The following IWS1 variants were observed in gnomAD, a reference collection of about 807,000 sequenced individuals.
IWS1 encodes the protein interacts with SUPT6H, CTD assembly factor 1.
IWS1 carries 27 observed loss-of-function variants against 86.7 expected under a neutral mutation model. The ratio of observed to expected loss-of-function variants is 0.31; its 90% CI spans 0.23 to 0.43. The LOEUF (loss-of-function observed/expected upper bound fraction) is 0.43, where lower values mean the gene tolerates loss of function less well. Ranked by LOEUF, IWS1 falls within the 20% of genes least tolerant of loss-of-function variation. The pLI is 1.00. For missense variants in IWS1, 827 were observed against 1,000.8 expected, an observed-to-expected ratio of 0.83 and a Z score of 2.34; for synonymous variants, 313 against 335.1, an observed-to-expected ratio of 0.93 and a Z score of 0.72.
intron 6 of IWS1, among the ~76,000 whole-genome samples, chr2:127,496,702 G>C (rs1690532403): frequency 6.6e-6 from 1 of 152,118 alleles, no homozygotes; most frequent in East Asian, 1.9e-4. Flanking sequence ...CTCCTGAATA[G>C]TTGAGACTAC....
chr2:127,518,486 C>T (rs1691898142), intron 2 of IWS1, among the ~76,000 whole-genome samples: 1 of 151,826 alleles, frequency 6.6e-6, no homozygotes, highest in Non-Finnish European at 1.5e-5. Flanking sequence ...TACACTCCAG[C>T]CCGGGCGACA....
chr2:127,490,305 TAAA>T, intron 10 of IWS1, among the ~76,000 whole-genome samples: 1 of 152,290 alleles, frequency 6.6e-6, no homozygotes, highest in East Asian at 1.9e-4. Context: ...CTACTGGAAA[TAAA>T]AAAGTCTTGA....
intron 2 of IWS1, among the ~76,000 whole-genome samples, chr2:127,510,546 G>A (rs893372387): frequency 1.3e-5 from 2 of 152,146 alleles, no homozygotes; most frequent in Non-Finnish European, 2.9e-5. Context: ...AGGCTGAAGT[G>A]CAGTAGCATA....
rs759461864 is a variant in IWS1 at position 127,489,828 on chromosome 2, A to G, written c.2159+4T>C. On this transcript the variant is annotated splice_donor_region_variant and intron_variant, in intron 11 of 13. Transcript: ENST00000295321. The surrounding 1 kb of genome is among the most constrained non-coding windows in gnomAD (Gnocchi z 4.8). ...TCCACTTACTCATACCTGTTCCCTC[A>G]TACCTGTTCATTCTTCGTCGTTGAG... The G allele has an allele frequency of 1.4e-5, 21 of 1,514,538 alleles. No individual in the cohort carries two copies. The highest frequency in any genetic ancestry group is 1.8e-5 in the Non-Finnish European group (20 of 1,089,450). The allele number at this position is 1,514,538 out of a possible 1,614,324, so 93.8% of individuals were successfully genotyped here.
chr2:127,521,001 T>C lies in IWS1; in HGVS notation c.150+2675A>G, dbSNP rs142581458. 8.9e-3 allele frequency among the ~76,000 whole-genome samples: 1,362 copies of C among 152,362 alleles called. 19 individuals are homozygous for C. Among genetic ancestry groups the C allele is most frequent in the African/African-American group, 0.031 (1,298 of 41,578 alleles). Reference sequence around the variant, plus strand: ...TAGGCTGGGCACAGTGGCTCACACCTGTAATTCCAGCACTTTGGGAGGCCA... The same window carrying C: ...TAGGCTGGGCACAGTGGCTCACACCCGTAATTCCAGCACTTTGGGAGGCCA... On this transcript the variant is annotated intron_variant, in intron 2 of 13. Transcript: ENST00000295321.
At chr2:127,484,564 G>C (rs1689824764) in intron 13 of IWS1, 1 of 152,212 alleles carries the variant, frequency 6.6e-6, no homozygotes, top group Non-Finnish European at 1.5e-5. Context: ...TCAGCACACA[G>C]GGACACAGCC....
intron 2 of IWS1, among the ~76,000 whole-genome samples, chr2:127,520,872 T>A (rs143472044): frequency 2.6e-5 from 4 of 152,378 alleles, no homozygotes; most frequent in Non-Finnish European, 5.9e-5. Context: ...TGATGCTGCA[T>A]CCATATTGTG....
chr2:127,507,535 T>C (rs1001071981), intron 2 of IWS1, among the ~76,000 whole-genome samples: 13 of 152,216 alleles, frequency 8.5e-5, no homozygotes, highest in Non-Finnish European at 1.5e-4. Flanking sequence ...CACTTATCTA[T>C]TAAAACGGTA....
At chr2:127,523,622 G>T (rs1692230249) in intron 2 of IWS1, 54 bp downstream of exon 2, 2 of 1,120,744 alleles carry the variant, frequency 1.8e-6, no homozygotes, top group Non-Finnish European at 2.7e-6. Flanking sequence ...TAATATAACA[G>T]ATCTCACAGA....
intron 2 of IWS1, among the ~76,000 whole-genome samples, chr2:127,523,131 A>G (rs1692193277): frequency 6.6e-6 from 1 of 152,150 alleles, no homozygotes; most frequent in African/African-American, 2.4e-5. Flanking sequence ...GGATAGCTTG[A>G]GCCCAGAGGC....
At chr2:127,486,388 T>G (rs143339309) in intron 13 of IWS1, 165 bp downstream of exon 13, 293 of 555,546 alleles carry the variant, frequency 5.3e-4, no homozygotes, top group African/African-American at 5.1e-3. Flanking sequence ...ATACTTTTCC[T>G]TTCTCTATTG....
Position 127,486,611 on chromosome 2 carries a change from G to C in IWS1, c.2270C>G (p.Pro757Arg). The change falls in exon 13 of 14, where the codon CCT becomes CGT. Residue 757 changes from proline (P) to arginine (R), a missense_variant. Around this residue, in one of 2 missense-constraint regions of IWS1, gnomAD observed 279 missense variants for 440.6 expected, o/e 0.63. Coordinates refer to ENST00000295321, the MANE Select transcript of IWS1 (RefSeq NM_017969.3). Reference protein sequence around the residue: ...GFCARARVPMPSNKDYVVRPK... With the variant: ...GFCARARVPMRSNKDYVVRPK... ...CCTGACAACATAGTCCTTGTTTGAA[G>C]GCATTGGGACCCTTGCACGGGCACA... 6.2e-7 allele frequency: 1 copy of C among 1,614,148 alleles called. No individual in the cohort carries two copies. The highest frequency in any genetic ancestry group is 8.5e-7 in the Non-Finnish European group (1 of 1,180,000).
At chr2:127,512,339 G>A (rs925031665) in intron 2 of IWS1, among the ~76,000 whole-genome samples, 3 of 152,090 alleles carry the variant, frequency 2.0e-5, no homozygotes, top group African/African-American at 7.2e-5. Flanking sequence ...CACATTTGAC[G>A]GCCACCCCTC....
At chr2:127,488,663 T>G (rs545674087) in intron 12 of IWS1, among the ~76,000 whole-genome samples, 1 of 152,168 alleles carries the variant, frequency 6.6e-6, no homozygotes, top group Non-Finnish European at 1.5e-5. Context: ...TGGCTTCACA[T>G]CCAGCCTCAA....
intron 6 of IWS1, among the ~76,000 whole-genome samples, chr2:127,497,461 A>G (rs555041333): frequency 7.0e-4 from 107 of 152,338 alleles, no homozygotes; most frequent in African/African-American, 2.5e-3. Flanking sequence ...ATAATGAGAG[A>G]TACACATGGA....
rs1251080081 is a variant in IWS1, at chr2:127,499,466, T to C, written c.1468-1229A>G. On this transcript the variant is annotated intron_variant, in intron 5 of 13. Transcript: ENST00000295321. The surrounding 1 kb of genome is among the most constrained non-coding windows in gnomAD (Gnocchi z 4.0). ...TACCTTTTGTGTTATACTTAGAGGCTTTCTCAATGGTTCACCTAGTACAAT... is the reference window on the plus strand; with the variant it reads ...TACCTTTTGTGTTATACTTAGAGGCCTTCTCAATGGTTCACCTAGTACAAT... 2.0e-5 allele frequency among the ~76,000 whole-genome samples: 3 copies of C among 152,318 alleles called. No homozygotes were observed. Among genetic ancestry groups the C allele is most frequent in the East Asian group, 3.9e-4 (2 of 5,184 alleles).
At chr2:127,506,660 G>A (rs770531389) in intron 2 of IWS1, 5 of 167,684 alleles carry the variant, frequency 3.0e-5, no homozygotes, top group Non-Finnish European at 7.3e-5. Flanking sequence ...CCTCATAATG[G>A]TACTTCTCAT....
intron 12 of IWS1, among the ~76,000 whole-genome samples, chr2:127,488,547 C>T (rs1690053794): frequency 6.6e-6 from 1 of 152,196 alleles, no homozygotes; most frequent in Non-Finnish European, 1.5e-5. Context: ...CTCTGTTTCC[C>T]AACTACCACC....
chr2:127,500,032 T>G (rs1690721227), intron 5 of IWS1, among the ~76,000 whole-genome samples: 1 of 152,222 alleles, frequency 6.6e-6, no homozygotes, highest in South Asian at 2.1e-4. Flanking sequence ...AACTTGTATC[T>G]TCACGACCTT....
Sources: gnomAD v4.1 joint callset for allele counts (sites outside exome capture counted in the v4.1 genomes callset) on GRCh38, gnomAD v4.1.1 for gene constraint, gnomAD v4.1.1 regional missense constraint, Gnocchi (gnomAD v3.1) non-coding constraint, MANE v1.5 for transcripts, NCBI Gene and HGNC (gene_info 2026-07-23, HGNC 2026-07-21) for gene names.